FHOD3: variants seen among roughly 807,000 people sequenced by gnomAD.
The protein encoded by FHOD3 is FH1/FH2 domain-containing protein 3.
In FHOD3, 90 loss-of-function variants were observed where a neutral mutation model predicts 173.0. The observed-to-expected ratio is 0.52, with a 90% CI of 0.44 to 0.62. The LOEUF is 0.62. Among genes scored for constraint, FHOD3 ranks in the 20% least tolerant of loss-of-function variants. The pLI, the probability that FHOD3 is intolerant of heterozygous loss-of-function variation, is 0.00. For missense variants in FHOD3, 1,945 were observed against 2,034.7 expected (o/e 0.96, Z 0.85); for synonymous variants, 828 against 823.0 (o/e 1.01, Z -0.10).
chr18:36,604,425 A>G (rs1368410242), intron 8 of FHOD3, among the ~76,000 whole-genome samples: 1 of 152,216 alleles, frequency 6.6e-6, no homozygotes, highest in Non-Finnish European at 1.5e-5. Flanking sequence ...ACAACAATGT[A>G]GTGTGGCCCC....
intron 27 of FHOD3, 58 bp from the exon 28 acceptor site, chr18:36,769,207 T>A: frequency 6.3e-7 from 1 of 1,576,296 alleles, no homozygotes; most frequent in Non-Finnish European, 8.7e-7. Context: ...TACTGCTGCA[T>A]ATATCTTTTG....
intron 6 of FHOD3, among the ~76,000 whole-genome samples, chr18:36,582,857 C>T (rs1293252441): frequency 1.3e-5 from 2 of 152,172 alleles, no homozygotes; most frequent in African/African-American, 2.4e-5. Context: ...CTAAGCCTTC[C>T]GGATTTTTGT....
chr18:36,380,578 T>TTTTCTTTTCCTTTCC lies in FHOD3; in HGVS notation c.337+7838_337+7839insTTTTCCTTTCCTTTC, dbSNP rs1555686575. Among the ~76,000 whole-genome samples, 23 of 52,456 alleles carry TTTTCTTTTCCTTTCC rather than the reference T, an allele frequency of 4.4e-4. No homozygotes were observed. In the East Asian group the frequency reaches 5.7e-3, roughly 13 times the overall value. 34.4% of individuals were successfully genotyped at this position (52,456 alleles called of 152,430 possible). ...TTTTCTTTTCTTTTCTTTTCTTTTC[T>TTTTCTTTTCCTTTCC]TTTCCTTTCCTTTCCTTTCCTTTCC... On this transcript the variant is annotated intron_variant, in intron 3 of 28. Transcript: ENST00000590592.
In FHOD3 at chr18:36,651,105, C is replaced by T. The variant is rs1335306785; in HGVS notation, c.1287-1465C>T. Among the ~76,000 whole-genome samples the T allele has an allele frequency of 2.6e-5, 4 of 152,278 alleles. No individual in the cohort carries two copies. In the East Asian group the frequency reaches 5.8e-4, roughly 22 times the overall value. On this transcript the variant is annotated intron_variant, in intron 11 of 28. Coordinates refer to ENST00000590592, the MANE Select transcript of FHOD3 (RefSeq NM_001281740.3). ...TCCTTCTGTTGGGTTGGTGTCTCTG[C>T]TGCCCTGCTTCCTGCTGACTTCTGC...
chr18:36,355,337 T>A (rs2046310798), intron 1 of FHOD3, among the ~76,000 whole-genome samples: 1 of 152,192 alleles, frequency 6.6e-6, no homozygotes, highest in Non-Finnish European at 1.5e-5. Flanking sequence ...GTCACTCTGT[T>A]AAGAGATGCC....
chr18:36,595,937 A>T, intron 7 of FHOD3, among the ~76,000 whole-genome samples: 1 of 152,200 alleles, frequency 6.6e-6, no homozygotes, highest in Non-Finnish European at 1.5e-5. Flanking sequence ...TTACAATCAT[A>T]AAAACTTGGG....
chr18:36,702,667 G>C (rs1040358226), intron 17 of FHOD3, among the ~76,000 whole-genome samples: 1 of 152,172 alleles, frequency 6.6e-6, no homozygotes, highest in African/African-American at 2.4e-5. Flanking sequence ...GCCACCCAGA[G>C]ATGTATCAAG....
intron 1 of FHOD3, among the ~76,000 whole-genome samples, chr18:36,349,637 C>G (rs1385782894): frequency 6.6e-6 from 1 of 152,162 alleles, no homozygotes; most frequent in African/African-American, 2.4e-5. Flanking sequence ...GACCTGCTGC[C>G]AAAACCTAGA....
chr18:36,423,324 G>T (rs564334301), intron 3 of FHOD3, among the ~76,000 whole-genome samples: 4 of 152,178 alleles, frequency 2.6e-5, no homozygotes, highest in African/African-American at 9.7e-5. Flanking sequence ...AAATGAGCAG[G>T]TGTGGAAAAG....
chr18:36,527,409 T>C (rs2056573255), intron 5 of FHOD3, among the ~76,000 whole-genome samples: 1 of 152,234 alleles, frequency 6.6e-6, no homozygotes, highest in Admixed American at 6.5e-5. Flanking sequence ...ATAGTAGCAG[T>C]GCATCCTGTC....
chr18:36,307,589 A>G (rs2092136801), intron 1 of FHOD3, among the ~76,000 whole-genome samples: 1 of 152,212 alleles, frequency 6.6e-6, no homozygotes, highest in African/African-American at 2.4e-5. Flanking sequence ...TCAGATCAGT[A>G]TGTGTTTATT....
intron 6 of FHOD3, among the ~76,000 whole-genome samples, chr18:36,592,218 C>CA (rs948583992): frequency 4.6e-5 from 7 of 151,734 alleles, no homozygotes; most frequent in South Asian, 4.2e-4. Flanking sequence ...GACTCCATCT[C>CA]AAAAAAAATA....
intron 1 of FHOD3, among the ~76,000 whole-genome samples, chr18:36,341,645 A>G (rs1359070745): frequency 1.3e-5 from 2 of 152,210 alleles, no homozygotes; most frequent in Non-Finnish European, 2.9e-5. Context: ...CATTCCAGGC[A>G]TTCATTGGGA....
Position 36,467,873 on chromosome 18 carries a change from C to T in FHOD3, c.338-34059C>T, listed in dbSNP as rs534007886. 1.9e-4 allele frequency among the ~76,000 whole-genome samples: 29 copies of T among 152,316 alleles called. No individual in the cohort carries two copies. Among genetic ancestry groups the T allele is most frequent in the Non-Finnish European group, 2.1e-4 (14 of 68,030 alleles). On this transcript the variant is annotated intron_variant, in intron 3 of 28. Transcript: ENST00000590592. ...GGCAGAGGTGGCTCCAGGCGTTCTG[C>T]GGGTAAGTGCTGCCTGTGGCACGGG...
At chr18:36,661,721 A>G (rs1347282439) in intron 14 of FHOD3, among the ~76,000 whole-genome samples, 1 of 152,214 alleles carries the variant, frequency 6.6e-6, no homozygotes, top group African/African-American at 2.4e-5. Context: ...TGTTGATAAA[A>G]CTTGGAATGA....
intron 1 of FHOD3, among the ~76,000 whole-genome samples, chr18:36,347,307 A>C (rs988810456): frequency 6.6e-6 from 1 of 152,278 alleles, no homozygotes; most frequent in African/African-American, 2.4e-5. Flanking sequence ...ATATTTTAAA[A>C]TAATTCAAAT....
intron 3 of FHOD3, among the ~76,000 whole-genome samples, chr18:36,402,966 G>A (rs1394627569): frequency 1.3e-5 from 2 of 152,242 alleles, no homozygotes; most frequent in Non-Finnish European, 2.9e-5. Context: ...AAGCTGGCAA[G>A]GCCATAGGAA....
At chr18:36,606,527 T>G (rs951480370) in intron 8 of FHOD3, among the ~76,000 whole-genome samples, 1 of 152,140 alleles carries the variant, frequency 6.6e-6, no homozygotes, top group African/African-American at 2.4e-5. Flanking sequence ...TTGGGGGGCA[T>G]ATTAAAACCA....
chr18:36,546,927 C>T (rs1188246085), intron 5 of FHOD3, among the ~76,000 whole-genome samples: 2 of 152,168 alleles, frequency 1.3e-5, no homozygotes, highest in African/African-American at 2.4e-5. Context: ...AACCTCGAAG[C>T]AAGTAGTGAG....
Sources: gnomAD v4.1 joint callset for allele counts (sites outside exome capture counted in the v4.1 genomes callset) on GRCh38, gnomAD v4.1.1 for gene constraint, MANE v1.5 for transcripts, NCBI Gene and HGNC (gene_info 2026-07-23, HGNC 2026-07-21) for gene names.